DNAJB6: variants seen among roughly 807,000 people sequenced by gnomAD.
DNAJB6 encodes the protein dnaJ homolog subfamily B member 6.
DNAJB6 carries 16 observed loss-of-function variants against 42.7 expected under a neutral mutation model. The ratio of observed to expected loss-of-function variants is 0.37; its 90% CI spans 0.25 to 0.57. DNAJB6 has a LOEUF of 0.57. Ranked by LOEUF, DNAJB6 falls within the 20% of genes least tolerant of loss-of-function variation. The pLI is 0.74. For synonymous variants in DNAJB6, 170 were observed against 163.5 expected (o/e 1.04, Z -0.30); for missense variants, 347 against 416.8 (o/e 0.83, Z 1.46).
chr7:157,408,081 C>A (rs1198258379), intron 8 of DNAJB6, among the ~76,000 whole-genome samples: 1 of 152,154 alleles, frequency 6.6e-6, no homozygotes, highest in Admixed American at 6.5e-5. Flanking sequence ...GTGGAGTTCC[C>A]AAGGGGAGAA....
intron 7 of DNAJB6, 50 bp from the exon 8 acceptor site, chr7:157,385,491 C>G: frequency 6.3e-7 from 1 of 1,580,906 alleles, no homozygotes; most frequent in Non-Finnish European, 8.6e-7. Context: ...TACCCTCACA[C>G]ATGCATTTTC....
chr7:157,345,557 TC>T (rs1798642317), intron 1 of DNAJB6, among the ~76,000 whole-genome samples: 1 of 152,160 alleles, frequency 6.6e-6, no homozygotes, highest in African/African-American at 2.4e-5. Flanking sequence ...GCTCAAGTGA[TC>T]CTTCTGCACA....
At chr7:157,374,277 T>C (rs1370190188) in intron 5 of DNAJB6, among the ~76,000 whole-genome samples, 1 of 152,170 alleles carries the variant, frequency 6.6e-6, no homozygotes, top group African/African-American at 2.4e-5. Context: ...CTCATTTTTT[T>C]TGAGATGGAG....
intron 5 of DNAJB6, among the ~76,000 whole-genome samples, chr7:157,370,001 TAA>T (rs1800094374): frequency 6.8e-6 from 1 of 146,298 alleles, no homozygotes; most frequent in African/African-American, 2.7e-5. Flanking sequence ...GGCCCCTTCT[TAA>T]CATTATTATT....
At position 157,367,481 on chromosome 7, in the gene DNAJB6, T is replaced by C. The variant is rs1323957144; in HGVS notation, c.344T>C (p.Phe115Ser). The C allele has an allele frequency of 6.3e-7, 1 of 1,585,990 alleles. No homozygotes were observed. The part of the protein sequence containing the change: ...GGRDPFSFDF[F>S]EDPFEDFFGN... Reference sequence around the variant, plus strand: ...AGGGACCCATTTTCATTTGACTTCTTTGGTAAGTTAATCACGTGGGTTGAC... The same window carrying C: ...AGGGACCCATTTTCATTTGACTTCTCTGGTAAGTTAATCACGTGGGTTGAC... Residue 115 changes from phenylalanine (F) to serine (S), a missense_variant and splice_region_variant, in exon 5 of 10, where the codon TTT (phenylalanine) becomes TCT (serine). This residue lies in a region of DNAJB6 where 264 missense variants were observed against 288.0 expected (regional missense o/e 0.92). Coordinates refer to ENST00000262177, the MANE Select transcript of DNAJB6 (RefSeq NM_058246.4).
At chr7:157,340,240 C>T (rs1240418669) in intron 1 of DNAJB6, among the ~76,000 whole-genome samples, 3 of 152,152 alleles carry the variant, frequency 2.0e-5, no homozygotes, top group African/African-American at 4.8e-5. Flanking sequence ...TTTTCATTTC[C>T]TCAGAAATGA....
At chr7:157,337,237 CG>C (rs1275373393) in intron 1 of DNAJB6, 93 bp downstream of exon 1, 2 of 151,030 alleles carry the variant, frequency 1.3e-5, no homozygotes, top group Non-Finnish European at 3.0e-5. Context: ...GGCAACAGCG[CG>C]GGGGGTGACC....
At chr7:157,396,178 AC>A (rs1801576910) in intron 8 of DNAJB6, among the ~76,000 whole-genome samples, 1 of 151,906 alleles carries the variant, frequency 6.6e-6, no homozygotes. Context: ...CAAAACCCTG[AC>A]CTCAGGCAAT....
At chr7:157,402,614 G>A (rs1203272538) in intron 8 of DNAJB6, among the ~76,000 whole-genome samples, 1 of 152,242 alleles carries the variant, frequency 6.6e-6, no homozygotes, top group Non-Finnish European at 1.5e-5. Context: ...GAGGGAGCCG[G>A]GTCCCAGGGG....
intron 8 of DNAJB6, among the ~76,000 whole-genome samples, chr7:157,398,195 A>C (rs1368389353): frequency 6.6e-6 from 1 of 152,146 alleles, no homozygotes; most frequent in Non-Finnish European, 1.5e-5. Flanking sequence ...TCCACCCTTG[A>C]GCTCCCTAGG....
Position 157,338,975 on chromosome 7 carries a change from T to C in DNAJB6, c.-27+1831T>C, listed in dbSNP as rs576958243. ...GAGTTCAGCACTCTCTTCAAAACAG[T>C]GTTTTAAAATTTATTTTCTTCTGGA... On this transcript the variant is annotated intron_variant, in intron 1 of 9. Transcript: ENST00000262177. 2.0e-5 allele frequency among the ~76,000 whole-genome samples: 3 copies of C among 152,262 alleles called. No homozygotes were observed. The South Asian group carries it at 6.2e-4, about 32-fold the overall frequency.
At chr7:157,397,753 C>T (rs935995341) in intron 8 of DNAJB6, among the ~76,000 whole-genome samples, 3 of 152,194 alleles carry the variant, frequency 2.0e-5, no homozygotes, top group African/African-American at 7.2e-5. Context: ...TTAATTGTGG[C>T]ACCTGTTCTC....
At chr7:157,339,261 G>A (rs1182650326) in intron 1 of DNAJB6, among the ~76,000 whole-genome samples, 3 of 149,146 alleles carry the variant, frequency 2.0e-5, no homozygotes, top group African/African-American at 7.4e-5. Flanking sequence ...TGAGGTGGGG[G>A]TGGAATGGTC....
intron 6 of DNAJB6, among the ~76,000 whole-genome samples, chr7:157,384,568 G>GT (rs1308131727): frequency 6.6e-6 from 1 of 152,210 alleles, no homozygotes; most frequent in Non-Finnish European, 1.5e-5. Context: ...ACAAGCAGGG[G>GT]CTGTCTTTGG....
chr7:157,402,341 C>A (rs1795557877), intron 8 of DNAJB6, among the ~76,000 whole-genome samples: 1 of 152,238 alleles, frequency 6.6e-6, no homozygotes, highest in Non-Finnish European at 1.5e-5. Flanking sequence ...TCCACAGGCA[C>A]CCATGCTGCC....
At chr7:157,365,327 C>T (rs938816253) in intron 3 of DNAJB6, among the ~76,000 whole-genome samples, 1 of 152,192 alleles carries the variant, frequency 6.6e-6, no homozygotes, top group African/African-American at 2.4e-5. Context: ...TGTTTTTGTT[C>T]TGGGATATAA....
At chr7:157,386,037 C>T (rs1326527087) in intron 8 of DNAJB6, 46 of 988,830 alleles carry the variant, frequency 4.7e-5, no homozygotes, top group East Asian at 1.1e-4. Flanking sequence ...ATTGCCAGGA[C>T]GATTCTTCTA....
rs770053224 is a variant in DNAJB6 at position 157,384,965 on chromosome 7, A to G, written c.577A>G (p.Thr193Ala). The G allele has an allele frequency of 2.5e-5, 41 of 1,614,136 alleles. No homozygotes were observed. Among genetic ancestry groups the G allele is most frequent in the South Asian group, 9.9e-5 (9 of 91,078 alleles). The change falls in exon 7 of 10, where the codon ACT (threonine) becomes GCT (alanine). Residue 193 changes from threonine to alanine, a missense_variant. Coordinates refer to ENST00000262177, the MANE Select transcript of DNAJB6 (RefSeq NM_058246.4). ...SGMGNFKSIS[T>A]STKMVNGRKI... ...CATGGGCAACTTCAAATCGATATCA[A>G]CTTCAACTAAAATGGTTAATGGCAG...
At chr7:157,370,802 T>C (rs1800170698) in intron 5 of DNAJB6, 3 of 152,810 alleles carry the variant, frequency 2.0e-5, no homozygotes, top group African/African-American at 7.2e-5. Flanking sequence ...TCTCAGGATT[T>C]ACACACTGGG....
Sources: allele counts gnomAD v4.1 joint callset (sites outside exome capture counted in the v4.1 genomes callset), GRCh38; gene constraint gnomAD v4.1.1; regional missense constraint gnomAD v4.1.1; transcripts MANE v1.5; gene names NCBI Gene and HGNC (gene_info 2026-07-23, HGNC 2026-07-21).